ZFPM2: variants seen among roughly 807,000 people sequenced by gnomAD.
ZFPM2 encodes zinc finger protein ZFPM2.
A neutral mutation model predicts 98.6 loss-of-function variants in ZFPM2; 20 were observed. The observed-to-expected ratio is 0.20, with a 90% CI of 0.14 to 0.29. The LOEUF is 0.29. Ranked by LOEUF, ZFPM2 falls within the 10% of genes least tolerant of loss-of-function variation. The pLI, the probability that ZFPM2 is intolerant of heterozygous loss-of-function variation, is 1.00. For missense variants in ZFPM2, 1,310 were observed against 1,388.6 expected (o/e 0.94, Z 0.90); for synonymous variants, 518 against 502.7 (o/e 1.03, Z -0.41).
chr8:105,663,989 G>A (rs563092568), intron 5 of ZFPM2, among the ~76,000 whole-genome samples: 26 of 152,180 alleles, frequency 1.7e-4, no homozygotes, highest in South Asian at 6.2e-4. Flanking sequence ...AAATCAGCTC[G>A]TTATGGTTAA....
chr8:105,485,687 A>G (rs563763421), intron 3 of ZFPM2, among the ~76,000 whole-genome samples: 1 of 152,282 alleles, frequency 6.6e-6, no homozygotes, highest in East Asian at 1.9e-4. Context: ...CTCTAAAAGA[A>G]GCTGTAGGAC....
chr8:105,490,090 T>G (rs1813328553), intron 3 of ZFPM2, among the ~76,000 whole-genome samples: 2 of 151,846 alleles, frequency 1.3e-5, no homozygotes, highest in African/African-American at 4.8e-5. Context: ...CTACTAAAAA[T>G]ACAAAAATTA....
chr8:105,541,249 AC>A (rs1814569867), intron 3 of ZFPM2, among the ~76,000 whole-genome samples: 1 of 152,172 alleles, frequency 6.6e-6, no homozygotes, highest in South Asian at 2.1e-4. Context: ...TTTAATTATT[AC>A]AAGAATCCTG....
chr8:105,481,269 T>C (rs746489410), intron 3 of ZFPM2, among the ~76,000 whole-genome samples: 4 of 152,106 alleles, frequency 2.6e-5, no homozygotes, highest in Admixed American at 6.6e-5. Flanking sequence ...TGCTTGAGCT[T>C]CTATAACAAA....
chr8:105,574,556 C>T (rs1271213676), intron 4 of ZFPM2, among the ~76,000 whole-genome samples: 2 of 152,088 alleles, frequency 1.3e-5, no homozygotes, highest in Admixed American at 1.3e-4. Flanking sequence ...TTTAGAGCTC[C>T]ATACAGAATG....
chr8:105,334,451 T>C (rs1232830738), intron 1 of ZFPM2, among the ~76,000 whole-genome samples: 1 of 151,710 alleles, frequency 6.6e-6, no homozygotes, highest in African/African-American at 2.4e-5. Context: ...TCACTTTTAC[T>C]TTAGAGAAAG....
intron 2 of ZFPM2, among the ~76,000 whole-genome samples, chr8:105,440,198 CTAAA>C (rs1554604766): frequency 2.6e-5 from 4 of 152,116 alleles, no homozygotes; most frequent in Non-Finnish European, 5.9e-5. Context: ...AACTCAGAGT[CTAAA>C]TAGAGATGGT....
chr8:105,563,009 A>G (rs1326750999), intron 4 of ZFPM2, among the ~76,000 whole-genome samples: 1 of 152,216 alleles, frequency 6.6e-6, no homozygotes, highest in Non-Finnish European at 1.5e-5. Context: ...CATATTCCTT[A>G]GAGGATCCAG....
intron 1 of ZFPM2, among the ~76,000 whole-genome samples, chr8:105,382,357 T>C (rs1375035594): frequency 1.3e-5 from 2 of 152,060 alleles, no homozygotes; most frequent in Non-Finnish European, 2.9e-5. Flanking sequence ...TTGCAAAACA[T>C]AGTTAATCCT....
chr8:105,426,806 C>A (rs188341025), intron 2 of ZFPM2, among the ~76,000 whole-genome samples: 1 of 151,342 alleles, frequency 6.6e-6, no homozygotes, highest in Non-Finnish European at 1.5e-5. Context: ...ACAAAAAATA[C>A]AAAAAATACA....
Position 105,444,392 on chromosome 8 carries a change from A to G in ZFPM2, c.301+11A>G. On this transcript the variant is annotated intron_variant, in intron 3 of 7. Coordinates refer to ENST00000407775, the MANE Select transcript of ZFPM2 (RefSeq NM_012082.4). Reference sequence around the variant, plus strand: ...ACTGGGATGGACCAGGTAGGGGAGAATATTTAAAATTCAACCGTCTTTAGT... The same window carrying G: ...ACTGGGATGGACCAGGTAGGGGAGAGTATTTAAAATTCAACCGTCTTTAGT... 6.3e-7 allele frequency: 1 copy of G among 1,595,402 alleles called. No individual in the cohort carries two copies. The highest frequency in any genetic ancestry group is 1.3e-5 in the African/African-American group (1 of 74,630).
intron 3 of ZFPM2, among the ~76,000 whole-genome samples, chr8:105,531,720 A>T (rs1488881892): frequency 6.6e-6 from 1 of 152,186 alleles, no homozygotes; most frequent in Non-Finnish European, 1.5e-5. Context: ...TTTTGACAAA[A>T]ATATGCAGGA....
At chr8:105,342,123 T>G (rs138909372) in intron 1 of ZFPM2, among the ~76,000 whole-genome samples, 397 of 152,200 alleles carry the variant, frequency 2.6e-3, no homozygotes, top group African/African-American at 9.0e-3. Context: ...TGAAGACATC[T>G]CTACACTTAA....
intron 3 of ZFPM2, among the ~76,000 whole-genome samples, chr8:105,530,057 C>A (rs985866363): frequency 3.3e-5 from 5 of 152,114 alleles, no homozygotes; most frequent in African/African-American, 1.2e-4. Context: ...AGATGAAATT[C>A]CTGACCAAAG....
At chr8:105,730,568 T>C (rs987269617) in intron 5 of ZFPM2, among the ~76,000 whole-genome samples, 3 of 151,658 alleles carry the variant, frequency 2.0e-5, no homozygotes, top group African/African-American at 7.3e-5. Flanking sequence ...CTAACCCCAG[T>C]GGTCTCTTTA....
At chr8:105,752,268 G>T (rs139012574) in intron 5 of ZFPM2, among the ~76,000 whole-genome samples, 69 of 152,256 alleles carry the variant, frequency 4.5e-4, no homozygotes, top group African/African-American at 1.6e-3. Context: ...CAAATGATGT[G>T]ATTCTAGGGT....
At chr8:105,508,517 G>T (rs1306823498) in intron 3 of ZFPM2, among the ~76,000 whole-genome samples, 1 of 152,014 alleles carries the variant, frequency 6.6e-6, no homozygotes, top group Non-Finnish European at 1.5e-5. Flanking sequence ...CCTTAACCAG[G>T]AATATTAGGA....
intron 5 of ZFPM2, among the ~76,000 whole-genome samples, chr8:105,767,461 A>G (rs1263147653): frequency 6.6e-6 from 1 of 151,966 alleles, no homozygotes; most frequent in African/African-American, 2.4e-5. Flanking sequence ...TCAGGTAAGG[A>G]TAAAAGCCTA....
At chr8:105,592,159 T>C (rs1815860063) in intron 4 of ZFPM2, among the ~76,000 whole-genome samples, 1 of 152,014 alleles carries the variant, frequency 6.6e-6, no homozygotes, top group African/African-American at 2.4e-5. Flanking sequence ...GGAGGGAGAC[T>C]CAAAGCAAAA....
Sources: allele counts gnomAD v4.1 joint callset (sites outside exome capture counted in the v4.1 genomes callset), GRCh38; gene constraint gnomAD v4.1.1; transcripts MANE v1.5; gene names NCBI Gene and HGNC (gene_info 2026-07-23, HGNC 2026-07-21).